Variants in TCF12 observed in about 807,000 individuals in gnomAD.
TCF12 encodes the protein transcription factor 12, also known as DNA-binding protein HTF4.
In TCF12, 45 loss-of-function variants were observed where a neutral mutation model predicts 86.0. The ratio of observed to expected loss-of-function variants is 0.52; its 90% CI spans 0.41 to 0.67. The LOEUF (loss-of-function observed/expected upper bound fraction) is 0.67. TCF12 is among the 30% of genes least tolerant of loss of function. The pLI is 0.00. For missense variants in TCF12, 881 were observed against 859.9 expected, an observed-to-expected ratio of 1.02 and a Z score of -0.31; for synonymous variants, 330 against 299.6, an observed-to-expected ratio of 1.10 and a Z score of -1.05.
rs539845207 is a variant in TCF12, at chr15:56,997,674, G to C, written c.149-66076G>C. ...CCAAAAGACAGGAAAGGGGAAACAG[G>C]GATTAATGAGAAAACAAATAATAAA... On this transcript the variant is annotated intron_variant, in intron 3 of 20. Transcript: ENST00000333725. 1.3e-5 allele frequency among the ~76,000 whole-genome samples: 2 copies of C among 151,944 alleles called. 1 individual carries two copies. The highest frequency in any genetic ancestry group is 4.8e-5 in the African/African-American group (2 of 41,354).
At chr15:57,169,860 A>G (rs1323125312) in intron 6 of TCF12, among the ~76,000 whole-genome samples, 2 of 152,210 alleles carry the variant, frequency 1.3e-5, no homozygotes, top group Non-Finnish European at 2.9e-5. Context: ...AGTTCTATTA[A>G]TGTAATTGTC....
At chr15:56,944,168 T>C (rs17238971) in intron 3 of TCF12, among the ~76,000 whole-genome samples, 6,152 of 152,290 alleles carry the variant, frequency 0.04, 371 homozygotes, top group Admixed American at 0.17. Flanking sequence ...ATGTATTATA[T>C]TGTGTTAAAT....
chr15:57,020,971 A>G (rs896932881), intron 3 of TCF12, among the ~76,000 whole-genome samples: 2 of 152,110 alleles, frequency 1.3e-5, no homozygotes, highest in Admixed American at 1.3e-4. Flanking sequence ...AGAGGGTGAG[A>G]CATATCACCT....
intron 3 of TCF12, among the ~76,000 whole-genome samples, chr15:57,017,041 A>G (rs2065193671): frequency 1.3e-5 from 2 of 152,148 alleles, no homozygotes; most frequent in African/African-American, 4.8e-5. Context: ...TCTTGCTGGG[A>G]TGTGACTAAT....
At chr15:57,148,815 G>A (rs866160052) in intron 5 of TCF12, among the ~76,000 whole-genome samples, 33 of 152,022 alleles carry the variant, frequency 2.2e-4, no homozygotes, top group African/African-American at 8.0e-4. Flanking sequence ...GGTAGAGGTT[G>A]CAGTGAGCCA....
chr15:56,938,448 C>T (rs966083760), intron 3 of TCF12, among the ~76,000 whole-genome samples: 3 of 151,756 alleles, frequency 2.0e-5, no homozygotes, highest in Non-Finnish European at 1.5e-5. Context: ...CGTGAGCCAC[C>T]GTGTCTGGCC....
chr15:57,096,942 C>T (rs573484225), intron 5 of TCF12, among the ~76,000 whole-genome samples: 1 of 152,136 alleles, frequency 6.6e-6, no homozygotes, highest in Non-Finnish European at 1.5e-5. Flanking sequence ...AATCTCTTTG[C>T]TTAACTCCAC....
chr15:57,134,674 C>T (rs1158151210), intron 5 of TCF12, among the ~76,000 whole-genome samples: 1 of 152,024 alleles, frequency 6.6e-6, no homozygotes, highest in Non-Finnish European at 1.5e-5. Flanking sequence ...CATTATTTTG[C>T]CAGAAATGGC....
intron 3 of TCF12, among the ~76,000 whole-genome samples, chr15:57,023,553 A>G (rs923491334): frequency 2.6e-5 from 4 of 152,218 alleles, no homozygotes; most frequent in Admixed American, 1.3e-4. Context: ...ATTGGTTCCC[A>G]AACCTCTTAA....
chr15:57,142,808 A>G (rs1332799276), intron 5 of TCF12, among the ~76,000 whole-genome samples: 1 of 152,172 alleles, frequency 6.6e-6, no homozygotes, highest in Non-Finnish European at 1.5e-5. Flanking sequence ...CATTGAGAAC[A>G]CAGCATCATT....
intron 3 of TCF12, among the ~76,000 whole-genome samples, chr15:56,944,054 G>T (rs1163116505): frequency 6.6e-6 from 1 of 151,958 alleles, no homozygotes; most frequent in Non-Finnish European, 1.5e-5. Context: ...TTTTCCACTT[G>T]TTTTCTTTCT....
intron 3 of TCF12, among the ~76,000 whole-genome samples, chr15:57,017,718 T>TTTTC (rs1295823238): frequency 7.6e-6 from 1 of 131,114 alleles, no homozygotes; most frequent in African/African-American, 2.5e-5. Flanking sequence ...GAAGGTCTAA[T>TTTTC]TTTCTTTCTT....
At chr15:57,087,091 G>GTCTCCCTCTC (rs1191040702) in intron 4 of TCF12, among the ~76,000 whole-genome samples, 10 of 135,704 alleles carry the variant, frequency 7.4e-5, no homozygotes, top group African/African-American at 1.7e-4. Context: ...GTCTCCCTCT[G>GTCTCCCTCTC]TCTCCCTCTC....
chr15:57,013,035 ATT>A (rs200101750), intron 3 of TCF12, among the ~76,000 whole-genome samples: 2 of 146,506 alleles, frequency 1.4e-5, no homozygotes, highest in African/African-American at 2.5e-5. Context: ...GATACCGCAG[ATT>A]TTTTTTTTTT....
intron 3 of TCF12, among the ~76,000 whole-genome samples, chr15:57,019,123 A>G (rs2065323923): frequency 6.6e-6 from 1 of 152,234 alleles, no homozygotes; most frequent in Non-Finnish European, 1.5e-5. Context: ...ACAAGAAAGT[A>G]GGCAAAGTTC....
chr15:57,180,806 A>ATTTTTTTTTT lies in TCF12; in HGVS notation c.391-11335_391-11326dup, dbSNP rs34557385. Among the ~76,000 whole-genome samples the ATTTTTTTTTT allele has an allele frequency of 2.4e-3, 193 of 82,124 alleles. 23 individuals are homozygous for ATTTTTTTTTT. Among genetic ancestry groups the ATTTTTTTTTT allele is most frequent in the African/African-American group, 6.9e-3 (135 of 19,518 alleles). 53.9% of individuals were successfully genotyped at this position (82,124 alleles called of 152,430 possible). ...TTTTAATCATAAAATGATGCTAATA[A>ATTTTTTTTTT]TTTTTTTTTTTTTTTTTTTTTTTTT... On this transcript the variant is annotated intron_variant, in intron 6 of 20. Transcript: ENST00000333725.
chr15:57,005,165 A>G (rs556333826), intron 3 of TCF12, among the ~76,000 whole-genome samples: 4 of 152,216 alleles, frequency 2.6e-5, no homozygotes, highest in African/African-American at 4.8e-5. Flanking sequence ...GGGTGTTCTT[A>G]GGTATTCTTT....
chr15:57,248,035 A>C lies in TCF12; in HGVS notation c.1115-3315A>C, dbSNP rs147751710. 2.7e-4 allele frequency: 191 copies of C among 704,840 alleles called. No homozygotes were observed. The African/African-American group carries it at 2.9e-3, about 11-fold the overall frequency. 43.7% of individuals were successfully genotyped at this position (704,840 alleles called of 1,614,324 possible). On this transcript the variant is annotated intron_variant, in intron 13 of 20. Coordinates refer to ENST00000333725, the MANE Select transcript of TCF12 (RefSeq NM_207037.2). ...ACGGCTGCAGTTGGGCAGCGGTTTT[A>C]CCTCCATTTTGAGACCAGACAACTG...
chr15:57,262,997 C>G, intron 17 of TCF12, 115 bp from the exon 18 acceptor site: 1 of 1,082,014 alleles, frequency 9.2e-7, no homozygotes, highest in Non-Finnish European at 1.3e-6. Context: ...AAACCTCCAT[C>G]ATAACCCTGT....
Sources: gnomAD v4.1 joint callset for allele counts (sites outside exome capture counted in the v4.1 genomes callset) on GRCh38, gnomAD v4.1.1 for gene constraint, MANE v1.5 for transcripts, NCBI Gene and HGNC (gene_info 2026-07-23, HGNC 2026-07-21) for gene names.